The following PHF2 variants were observed in gnomAD, a reference collection of about 807,000 sequenced individuals.
The protein encoded by PHF2 is PHD finger protein 2.
Under a neutral mutation model 120.5 loss-of-function variants are expected in PHF2, and 27 were observed. The ratio of observed to expected loss-of-function variants is 0.22; its 90% confidence interval spans 0.17 to 0.31. The LOEUF (loss-of-function observed/expected upper bound fraction) is 0.31. Among genes scored for constraint, PHF2 ranks in the 10% least tolerant of loss-of-function variants. The pLI is 1.00. For missense variants in PHF2, 1,024 were observed against 1,434.8 expected (o/e 0.71, Z 4.63); for synonymous variants, 568 against 592.5 (o/e 0.96, Z 0.60).
At chr9:93,596,322 T>G (rs1825332073) in intron 1 of PHF2, among the ~76,000 whole-genome samples, 1 of 152,084 alleles carries the variant, frequency 6.6e-6, no homozygotes, top group Non-Finnish European at 1.5e-5. Context: ...GCCCCTGCAT[T>G]TTTCATTTAG....
chr9:93,647,452 AT>A (rs560007189), intron 4 of PHF2, among the ~76,000 whole-genome samples: 18 of 151,570 alleles, frequency 1.2e-4, no homozygotes, highest in African/African-American at 2.9e-4. Flanking sequence ...TTTCCTCTTA[AT>A]TTTTTTTTAT....
At chr9:93,613,468 CTGCAGTGG>C (rs1372123058) in intron 1 of PHF2, among the ~76,000 whole-genome samples, 3 of 151,954 alleles carry the variant, frequency 2.0e-5, no homozygotes, top group Admixed American at 6.6e-5. Context: ...ACAGGCTCTG[CTGCAGTGG>C]TGCCCAGGCC....
chr9:93,622,534 G>A (rs1290574821), intron 1 of PHF2, among the ~76,000 whole-genome samples: 2 of 152,094 alleles, frequency 1.3e-5, no homozygotes, highest in Non-Finnish European at 2.9e-5. Flanking sequence ...GTGAGAGCTC[G>A]GCTGGCCATC....
intron 1 of PHF2, among the ~76,000 whole-genome samples, chr9:93,582,166 A>G (rs1367784442): frequency 6.6e-6 from 1 of 152,156 alleles, no homozygotes; most frequent in Non-Finnish European, 1.5e-5. Context: ...TGTCACACAC[A>G]GGTCTCTGGC....
At chr9:93,581,722 G>A (rs552969198) in intron 1 of PHF2, among the ~76,000 whole-genome samples, 3 of 152,292 alleles carry the variant, frequency 2.0e-5, no homozygotes, top group East Asian at 3.9e-4. Context: ...CGTTTGTTTG[G>A]GGCTGCTTGG....
At chr9:93,591,867 G>C (rs901091296) in intron 1 of PHF2, among the ~76,000 whole-genome samples, 1 of 152,230 alleles carries the variant, frequency 6.6e-6, no homozygotes, top group African/African-American at 2.4e-5. Flanking sequence ...GTTGCTCGGG[G>C]ACCTAGCTGT....
At chr9:93,608,065 T>C (rs1217328730) in intron 1 of PHF2, among the ~76,000 whole-genome samples, 1 of 151,974 alleles carries the variant, frequency 6.6e-6, no homozygotes, top group East Asian at 1.9e-4. Flanking sequence ...GATGTATTAT[T>C]AATCCAGGAG....
intron 5 of PHF2, among the ~76,000 whole-genome samples, chr9:93,650,439 C>T (rs955072143): frequency 6.6e-6 from 1 of 152,212 alleles, no homozygotes; most frequent in Non-Finnish European, 1.5e-5. Flanking sequence ...GACGCCTACA[C>T]TCACACACAT....
At chr9:93,585,901 A>T (rs1863034006) in intron 1 of PHF2, among the ~76,000 whole-genome samples, 1 of 152,236 alleles carries the variant, frequency 6.6e-6, no homozygotes, top group Non-Finnish European at 1.5e-5. Context: ...GTGGGAAGGC[A>T]GCGTCAAGTG....
At chr9:93,675,535 A>G in intron 19 of PHF2, 145 bp from the exon 20 acceptor site, 1 of 634,204 alleles carries the variant, frequency 1.6e-6, no homozygotes, top group Non-Finnish European at 2.8e-6. Flanking sequence ...CCCTATTGTG[A>G]GGCGGCTTCA....
intron 1 of PHF2, among the ~76,000 whole-genome samples, chr9:93,628,431 C>T (rs1393244181): frequency 3.3e-5 from 5 of 152,108 alleles, no homozygotes; most frequent in African/African-American, 1.2e-4. Flanking sequence ...TTCAAATGTT[C>T]TGTTTCTTTT....
At chr9:93,604,534 G>A (rs1825504348) in intron 1 of PHF2, among the ~76,000 whole-genome samples, 1 of 150,504 alleles carries the variant, frequency 6.6e-6, no homozygotes, top group Non-Finnish European at 1.5e-5. Context: ...GCGCGATCTC[G>A]GCTCACTGCA....
chr9:93,648,547 C>T (rs944629637), intron 4 of PHF2, among the ~76,000 whole-genome samples: 4 of 152,210 alleles, frequency 2.6e-5, no homozygotes, highest in African/African-American at 9.6e-5. Context: ...CTCTATCAGT[C>T]ATGAGTCTTT....
intron 7 of PHF2, among the ~76,000 whole-genome samples, chr9:93,655,267 A>G (rs962334313): frequency 2.9e-5 from 4 of 138,974 alleles, no homozygotes; most frequent in South Asian, 2.5e-4. Context: ...AAATCGTTTT[A>G]TAGGGTTGGT....
In PHF2 at chr9:93,654,569, C is replaced by G; in HGVS notation, c.946C>G (p.Pro316Ala). The G allele has an allele frequency of 6.2e-7, 1 of 1,613,378 alleles. No homozygotes were observed. Among genetic ancestry groups the G allele is most frequent in the Non-Finnish European group, 8.5e-7 (1 of 1,179,808 alleles). ...IVKQGQTLFI[P>A]SGWIYATLTP... ...CAAGCAGGGCCAGACCCTCTTCATCCCCTCAGGTGAGTGCGGGCAGCTTTG... is the reference window on the plus strand; with the variant it reads ...CAAGCAGGGCCAGACCCTCTTCATCGCCTCAGGTGAGTGCGGGCAGCTTTG... Residue 316 changes from proline to alanine, a missense_variant, in exon 7 of 22, where the codon CCC (proline) becomes GCC (alanine). Around this residue, in one of 2 missense-constraint regions of PHF2, gnomAD observed 347 missense variants for 577.4 expected, o/e 0.60. Coordinates refer to ENST00000359246, the MANE Select transcript of PHF2 (RefSeq NM_005392.4).
chr9:93,615,217 G>A (rs1430172894), intron 1 of PHF2, among the ~76,000 whole-genome samples: 1 of 150,872 alleles, frequency 6.6e-6, no homozygotes, highest in Non-Finnish European at 1.5e-5. Context: ...GATGGTGATG[G>A]TGATAGTAAT....
intron 17 of PHF2, among the ~76,000 whole-genome samples, chr9:93,669,996 C>T (rs1826753642): frequency 6.6e-6 from 1 of 152,220 alleles, no homozygotes; most frequent in South Asian, 2.1e-4. Flanking sequence ...GCAAGGGGTT[C>T]TGGGTATACA....
chr9:93,578,824 T>C (rs1288366603), intron 1 of PHF2, among the ~76,000 whole-genome samples: 1 of 152,242 alleles, frequency 6.6e-6, no homozygotes, highest in African/African-American at 2.4e-5. Context: ...GGGGAGGCTC[T>C]AGCTCCTTTT....
intron 1 of PHF2, among the ~76,000 whole-genome samples, chr9:93,586,529 C>T (rs1230054488): frequency 2.0e-5 from 3 of 152,250 alleles, no homozygotes; most frequent in Non-Finnish European, 2.9e-5. Context: ...CCACTCCTCC[C>T]ATGCCAGCCA....
Sources: allele counts gnomAD v4.1 joint callset (sites outside exome capture counted in the v4.1 genomes callset), GRCh38; gene constraint gnomAD v4.1.1; regional missense constraint gnomAD v4.1.1; transcripts MANE v1.5; gene names NCBI Gene and HGNC (gene_info 2026-07-23, HGNC 2026-07-21).